The following DACH1 variants were observed in gnomAD, a reference collection of about 807,000 sequenced individuals.
DACH1 encodes the protein dachshund family transcription factor 1, also known as dachshund homolog 1.
DACH1 carries 12 observed loss-of-function variants against 54.2 expected under a neutral mutation model. The ratio of observed to expected loss-of-function variants is 0.22; its 90% confidence interval spans 0.14 to 0.36. The LOEUF (loss-of-function observed/expected upper bound fraction) is 0.36, where lower values mean the gene tolerates loss of function less well. Among genes scored for constraint, DACH1 ranks in the 10% least tolerant of loss-of-function variants. The probability of loss-of-function intolerance (pLI) is 1.00; values close to 1 mark genes in which losing one functional copy is unlikely to be tolerated. For synonymous variants in DACH1, 386 were observed against 366.2 expected, an observed-to-expected ratio of 1.05 and a Z score of -0.62; for missense variants, 805 against 929.8, an observed-to-expected ratio of 0.87 and a Z score of 1.75.
intron 1 of DACH1, among the ~76,000 whole-genome samples, chr13:71,808,616 T>TCA (rs1491092026): frequency 1.3e-5 from 2 of 152,166 alleles, no homozygotes; most frequent in Non-Finnish European, 1.5e-5. Context: ...CTGTTCAAGG[T>TCA]CATTTGGTCA....
At chr13:71,667,429 T>C (rs1231415727) in intron 2 of DACH1, among the ~76,000 whole-genome samples, 1 of 152,162 alleles carries the variant, frequency 6.6e-6, no homozygotes, top group Non-Finnish European at 1.5e-5. Context: ...GGAGTGATAA[T>C]GCTGACAGTT....
rs148109202 is a variant in DACH1 at position 71,710,369 on chromosome 13, C to G, written c.849-28459G>C. On this transcript the variant is annotated intron_variant, in intron 1 of 10. Transcript: ENST00000613252. ...GCAAATTGGACCATTGAGAGGGATG[C>G]GCAGAGGATCATAGAAAGCCCCAGA... Among the ~76,000 whole-genome samples, 417 of 151,728 alleles carry G rather than the reference C, an allele frequency of 2.7e-3. 3 individuals are homozygous for G. Among genetic ancestry groups the G allele is most frequent in the African/African-American group, 9.6e-3 (398 of 41,356 alleles).
intron 6 of DACH1, among the ~76,000 whole-genome samples, chr13:71,541,353 T>A (rs527239777): frequency 6.6e-6 from 1 of 152,186 alleles, no homozygotes; most frequent in Admixed American, 6.6e-5. Flanking sequence ...TAAACTTTAT[T>A]GTATGTTTGA....
At chr13:71,484,117 C>T (rs1316926364) in intron 7 of DACH1, among the ~76,000 whole-genome samples, 2 of 152,106 alleles carry the variant, frequency 1.3e-5, no homozygotes, top group African/African-American at 2.4e-5. Context: ...TGGATTATGT[C>T]CATTTACTAG....
chr13:71,483,351 A>G (rs2138190535), intron 7 of DACH1, among the ~76,000 whole-genome samples: 1 of 147,486 alleles, frequency 6.8e-6, no homozygotes, highest in East Asian at 2.0e-4. Flanking sequence ...TTAATATTAT[A>G]TATAATTATA....
chr13:71,722,972 A>G (rs2137889168), intron 1 of DACH1, among the ~76,000 whole-genome samples: 1 of 152,270 alleles, frequency 6.6e-6, no homozygotes, highest in South Asian at 2.1e-4. Context: ...TTGTAAAGGA[A>G]TGACTCAGTA....
chr13:71,534,102 C>A (rs1003659738), intron 6 of DACH1, among the ~76,000 whole-genome samples: 1 of 151,982 alleles, frequency 6.6e-6, no homozygotes, highest in African/African-American at 2.4e-5. Context: ...AGTAGACCAG[C>A]ATTTCTGTGC....
intron 1 of DACH1, among the ~76,000 whole-genome samples, chr13:71,836,593 C>T (rs1333154753): frequency 6.6e-6 from 1 of 152,056 alleles, no homozygotes; most frequent in African/African-American, 2.4e-5. Context: ...CTGATCCATA[C>T]TTCCTATTTC....
intron 1 of DACH1, among the ~76,000 whole-genome samples, chr13:71,735,257 G>GTA (rs757864545): frequency 0.2 from 8,967 of 44,992 alleles, 3,129 homozygotes; most frequent in Non-Finnish European, 0.64. Context: ...TGGGATATAC[G>GTA]TGTATATGGG....
chr13:71,789,533 T>C (rs1886749224), intron 1 of DACH1, among the ~76,000 whole-genome samples: 1 of 151,986 alleles, frequency 6.6e-6, no homozygotes, highest in African/African-American at 2.4e-5. Flanking sequence ...ATTTAAAAAA[T>C]TTAGGTATTT....
At chr13:71,520,326 T>C (rs995803914) in intron 6 of DACH1, among the ~76,000 whole-genome samples, 2 of 151,710 alleles carry the variant, frequency 1.3e-5, no homozygotes, top group African/African-American at 4.8e-5. Flanking sequence ...GAAGAAACAG[T>C]TCAATCCACA....
chr13:71,531,039 T>C (rs1265797971), intron 6 of DACH1, among the ~76,000 whole-genome samples: 2 of 152,064 alleles, frequency 1.3e-5, no homozygotes, highest in East Asian at 1.9e-4. Flanking sequence ...GAAAAACATA[T>C]ATATAACTAT....
At chr13:71,843,058 A>G (rs1285658951) in intron 1 of DACH1, among the ~76,000 whole-genome samples, 4 of 152,144 alleles carry the variant, frequency 2.6e-5, no homozygotes, top group Non-Finnish European at 5.9e-5. Flanking sequence ...GCTATCCTGC[A>G]TTATCTGAAT....
chr13:71,704,663 T>G, intron 1 of DACH1: 1 of 316,936 alleles, frequency 3.2e-6, no homozygotes, highest in East Asian at 8.9e-5. Context: ...TAAAAGGTAT[T>G]TAAAAAATAA....
chr13:71,457,789 T>A (rs1038514646), intron 10 of DACH1, among the ~76,000 whole-genome samples: 3 of 151,988 alleles, frequency 2.0e-5, no homozygotes, highest in Non-Finnish European at 4.4e-5. Context: ...AAGAGATTTT[T>A]GTCAGCTTCA....
chr13:71,510,595 T>G (rs1228249415), intron 6 of DACH1, among the ~76,000 whole-genome samples: 1 of 152,016 alleles, frequency 6.6e-6, no homozygotes, highest in Non-Finnish European at 1.5e-5. Flanking sequence ...TGAGAAACAT[T>G]GAACATATTT....
rs748562492 is a variant in DACH1 at position 71,572,884 on chromosome 13, G to GTGC, written c.1252_1254dup (p.Ala418dup). On this transcript the variant is annotated inframe_insertion, in exon 4 of 11. Transcript: ENST00000613252. ...ACTCTGGATGGGGGACTCTGAACTT[G>GTGC]TGCTGCTGCTGCCATATTTGCAATG... 2.5e-6 allele frequency: 4 copies of GTGC among 1,613,822 alleles called. No homozygotes were observed. The African/African-American group carries it at 5.3e-5, about 22-fold the overall frequency.
At chr13:71,698,602 C>T (rs73523441) in intron 1 of DACH1, among the ~76,000 whole-genome samples, 25 of 151,836 alleles carry the variant, frequency 1.6e-4, no homozygotes, top group African/African-American at 4.8e-4. Context: ...GAATAAATTA[C>T]GGTGTATACT....
At chr13:71,703,724 T>A (rs1276262314) in intron 1 of DACH1, among the ~76,000 whole-genome samples, 1 of 151,922 alleles carries the variant, frequency 6.6e-6, no homozygotes, top group Non-Finnish European at 1.5e-5. Flanking sequence ...GGACTAAGAG[T>A]AGACCCCTAA....
Sources: gnomAD v4.1 joint callset for allele counts (sites outside exome capture counted in the v4.1 genomes callset) on GRCh38, gnomAD v4.1.1 for gene constraint, MANE v1.5 for transcripts, NCBI Gene and HGNC (gene_info 2026-07-23, HGNC 2026-07-21) for gene names.